Variants in UTY observed in about 807,000 individuals in gnomAD.
UTY encodes ubiquitously transcribed tetratricopeptide repeat containing, Y-linked.
A neutral mutation model predicts 32.5 loss-of-function variants in UTY; 12 were observed. The ratio of observed to expected loss-of-function variants is 0.37; its 90% confidence interval spans 0.24 to 0.60. The LOEUF is 0.60. Ranked by LOEUF, UTY falls within the 20% of genes least tolerant of loss-of-function variation. The pLI is 0.69. For synonymous variants in UTY, 131 were observed against 103.4 expected (o/e 1.27, Z -1.62); for missense variants, 303 against 299.2 (o/e 1.01, Z -0.09).
intron 5 of UTY, among the ~76,000 whole-genome samples, chrY:13,412,784 A>G (rs2071127445): frequency 3.0e-5 from 1 of 33,889 alleles, no homozygotes; most frequent in African/African-American, 1.2e-4. Flanking sequence ...AAATAATTAT[A>G]AATACTGATT....
At chrY:13,305,609 C>T in intron 23 of UTY, 62 bp from the exon 24 acceptor site, 20 of 340,210 alleles carry the variant, frequency 5.9e-5, no homozygotes, top group Non-Finnish European at 8.1e-5. Context: ...CTCAAAAACC[C>T]TGTGATTCAA....
At chrY:13,351,807 C>T in intron 17 of UTY, among the ~76,000 whole-genome samples, 1 of 33,737 alleles carries the variant, frequency 3.0e-5, no homozygotes, top group Admixed American at 2.7e-4. Flanking sequence ...CATGCACAGA[C>T]TAAATTACCA....
At chrY:13,297,884 A>G (rs1569437814) in intron 26 of UTY, 36 bp from the exon 27 acceptor site, 1 of 320,165 alleles carries the variant, frequency 3.1e-6, no homozygotes, top group African/African-American at 7.0e-5. Context: ...AAAGTAACCC[A>G]AAGTAATAGA....
Position 13,323,648 on chromosome Y carries a change from T to C in UTY, c.3183A>G (p.Thr1061=). The C allele has an allele frequency of 2.5e-6, 1 of 398,381 alleles. No homozygotes were observed. Among genetic ancestry groups the C allele is most frequent in the South Asian group, 3.0e-5 (1 of 33,777 alleles). ...TGCTTTCACAACGCCAGATTTTCTT[T>C]GTTCCAGTGGGATCCCAGTTTTCAT... The part of the protein sequence containing the change: ...PADENWDPTG[T]KKIWRCESNR... Residue 1061 remains threonine (T), a synonymous_variant, in exon 21 of 30, where the codon ACA becomes ACG. Coordinates refer to ENST00000545955, the MANE Select transcript of UTY (RefSeq NM_001258249.2).
chrY:13,312,133 C>T, intron 21 of UTY, among the ~76,000 whole-genome samples: 2 of 34,544 alleles, frequency 5.8e-5, no homozygotes, highest in African/African-American at 2.2e-4. Flanking sequence ...TGGCTCACGC[C>T]TGTAATCCCA....
At chrY:13,380,667 T>C in intron 8 of UTY, among the ~76,000 whole-genome samples, 1 of 32,249 alleles carries the variant, frequency 3.1e-5, no homozygotes, top group South Asian at 6.9e-4. Flanking sequence ...TTTCAGACTA[T>C]ACAAAATCAA....
chrY:13,373,317 A>G (rs2065096420), intron 8 of UTY, among the ~76,000 whole-genome samples: 1 of 33,951 alleles, frequency 2.9e-5, no homozygotes, highest in Admixed American at 2.7e-4. Context: ...CCCAACACAG[A>G]CAAATTCAAA....
chrY:13,256,132 C>A (rs2054697910), intron 28 of UTY, among the ~76,000 whole-genome samples: 1 of 33,522 alleles, frequency 3.0e-5, no homozygotes, highest in African/African-American at 1.2e-4. Context: ...CAATTTAAAA[C>A]ATTAAATTAC....
intron 28 of UTY, among the ~76,000 whole-genome samples, chrY:13,238,519 G>A: frequency 3.0e-5 from 1 of 33,203 alleles, no homozygotes; most frequent in Non-Finnish European, 7.4e-5. Context: ...AAGTCACCTG[G>A]GGGCCCAAGC....
chrY:13,371,661 A>G (rs770899565), intron 8 of UTY, among the ~76,000 whole-genome samples: 1 of 33,209 alleles, frequency 3.0e-5, no homozygotes, highest in Non-Finnish European at 7.4e-5. Context: ...CCCACCCTGT[A>G]CATGCTTCTA....
At chrY:13,280,109 T>C in intron 27 of UTY, among the ~76,000 whole-genome samples, 1 of 33,856 alleles carries the variant, frequency 3.0e-5, no homozygotes, top group Non-Finnish European at 7.3e-5. Flanking sequence ...AAAGAGGAGA[T>C]AGAGGCCAGG....
At chrY:13,285,310 A>AG (rs2057287591) in intron 27 of UTY, among the ~76,000 whole-genome samples, 2 of 33,059 alleles carry the variant, frequency 6.0e-5, no homozygotes, top group African/African-American at 2.4e-4. Context: ...AATCAACCAG[A>AG]GGGAAAAAAA....
chrY:13,293,162 A>G, intron 27 of UTY, among the ~76,000 whole-genome samples: 1 of 33,832 alleles, frequency 3.0e-5, no homozygotes, highest in Non-Finnish European at 7.3e-5. Context: ...TGCTGTATGG[A>G]AAAAGTACAC....
intron 4 of UTY, among the ~76,000 whole-genome samples, chrY:13,435,856 A>C (rs2074493912): frequency 6.0e-5 from 2 of 33,371 alleles, no homozygotes; most frequent in Non-Finnish European, 1.5e-4. Context: ...AGGAGACCGC[A>C]AGACAACTTT....
chrY:13,234,104 C>A, downstream of UTY, among the ~76,000 whole-genome samples: 3 of 34,514 alleles, frequency 8.7e-5, no homozygotes, highest in Admixed American at 5.1e-4. Flanking sequence ...GCCTGGAAGG[C>A]TACACTTGGC....
chrY:13,291,269 C>T (rs2057748840), intron 27 of UTY, among the ~76,000 whole-genome samples: 1 of 33,401 alleles, frequency 3.0e-5, no homozygotes, highest in East Asian at 7.6e-4. Context: ...CAAAACCAGA[C>T]AAAGACAATT....
At chrY:13,362,066 A>T in intron 10 of UTY, among the ~76,000 whole-genome samples, 1 of 33,871 alleles carries the variant, frequency 3.0e-5, no homozygotes, top group African/African-American at 1.2e-4. Flanking sequence ...AATCTGGCTA[A>T]TACTGGAAGA....
intron 2 of UTY, chrY:13,475,982 C>T: frequency 1.4e-5 from 2 of 142,897 alleles, no homozygotes; most frequent in African/African-American, 1.0e-4. Flanking sequence ...GAGGTGAGAC[C>T]GCACTATTCC....
chrY:13,419,887 T>C (rs1000552096), intron 4 of UTY, among the ~76,000 whole-genome samples: 2 of 33,812 alleles, frequency 5.9e-5, no homozygotes, highest in Non-Finnish European at 1.5e-4. Flanking sequence ...GTGCTGAAAA[T>C]CTCATTTAAT....
Sources: gnomAD v4.1 joint callset for allele counts (sites outside exome capture counted in the v4.1 genomes callset) on GRCh38, gnomAD v4.1.1 for gene constraint, MANE v1.5 for transcripts, NCBI Gene and HGNC (gene_info 2026-07-23, HGNC 2026-07-21) for gene names.